The following GRID1 variants were observed in gnomAD, a reference collection of about 807,000 sequenced individuals.
GRID1 encodes the protein glutamate receptor ionotropic, delta-1.
Under a neutral mutation model 98.0 loss-of-function variants are expected in GRID1, and 28 were observed. The ratio of observed to expected loss-of-function variants is 0.29; its 90% CI spans 0.21 to 0.39. The LOEUF (loss-of-function observed/expected upper bound fraction) is 0.39. Ranked by LOEUF, GRID1 falls within the 10% of genes least tolerant of loss-of-function variation. GRID1 has a pLI of 1.00. For synonymous variants in GRID1, 553 were observed against 538.5 expected, an observed-to-expected ratio of 1.03 and a Z score of -0.37; for missense variants, 1,111 against 1,340.5, an observed-to-expected ratio of 0.83 and a Z score of 2.67.
At chr10:85,828,939 T>C (rs1842843810) in intron 8 of GRID1, among the ~76,000 whole-genome samples, 1 of 152,170 alleles carries the variant, frequency 6.6e-6, no homozygotes. Flanking sequence ...GAGGAGGGAC[T>C]CTTTCCTAAC....
At chr10:85,956,137 C>T (rs551045180) in intron 4 of GRID1, among the ~76,000 whole-genome samples, 2 of 152,342 alleles carry the variant, frequency 1.3e-5, no homozygotes, top group African/African-American at 2.4e-5. Flanking sequence ...ACTCATTATA[C>T]TCATATCTTG....
chr10:85,892,041 G>A (rs1028333404), intron 5 of GRID1, among the ~76,000 whole-genome samples: 1 of 151,644 alleles, frequency 6.6e-6, no homozygotes, highest in African/African-American at 2.4e-5. Flanking sequence ...ATGCATGATA[G>A]GGAGAAAAAT....
Position 85,724,625 on chromosome 10 carries a change from C to A in GRID1, c.1585G>T (p.Val529Phe), listed in dbSNP as rs2306265. ...AITITPERES[V>F]VDFSKRYMDY... is the part of the protein sequence containing the mutation. Reference sequence around the variant, plus strand: ...ATGTACCGCTTGCTGAAGTCCACAACGCTCTCCCTCTCTGGGGTGATGGTG... The same window carrying A: ...ATGTACCGCTTGCTGAAGTCCACAAAGCTCTCCCTCTCTGGGGTGATGGTG... The change falls in exon 11 of 16, where the codon GTT becomes TTT. Residue 529 changes from valine to phenylalanine, a missense_variant. Physicochemically the swap from Val to Phe is conservative, Grantham distance 50 (BLOSUM62 -1). Around this residue, in one of 3 missense-constraint regions of GRID1, gnomAD observed 762 missense variants for 869.1 expected, o/e 0.88. Transcript: ENST00000327946. 6.2e-7 allele frequency: 1 copy of A among 1,613,300 alleles called. No homozygotes were observed. Among genetic ancestry groups the A allele is most frequent in the Non-Finnish European group, 8.5e-7 (1 of 1,179,928 alleles).
intron 2 of GRID1, among the ~76,000 whole-genome samples, chr10:86,241,731 G>C (rs1210992366): frequency 6.6e-6 from 1 of 152,164 alleles, no homozygotes; most frequent in Non-Finnish European, 1.5e-5. Flanking sequence ...GAGTGATCTA[G>C]TGCAAGTTCC....
At chr10:86,225,779 A>G (rs747429684) in intron 2 of GRID1, among the ~76,000 whole-genome samples, 1 of 152,214 alleles carries the variant, frequency 6.6e-6, no homozygotes, top group Non-Finnish European at 1.5e-5. Context: ...TGGCTCCTAC[A>G]TGAGGTAGCT....
chr10:86,053,121 G>T (rs949346109), intron 4 of GRID1, among the ~76,000 whole-genome samples: 3 of 152,120 alleles, frequency 2.0e-5, no homozygotes, highest in African/African-American at 7.2e-5. Context: ...CGCTGCAAAG[G>T]TATACACTAA....
At chr10:86,162,367 C>G (rs993256661) in intron 3 of GRID1, among the ~76,000 whole-genome samples, 8 of 152,102 alleles carry the variant, frequency 5.3e-5, no homozygotes, top group Non-Finnish European at 8.8e-5. Context: ...ATGCAGGGAA[C>G]AGGAAGAAGA....
intron 2 of GRID1, among the ~76,000 whole-genome samples, chr10:86,340,047 G>A (rs992282324): frequency 2.0e-5 from 3 of 152,174 alleles, no homozygotes; most frequent in African/African-American, 4.8e-5. Context: ...CACAGAGGCG[G>A]AGACAGCAGG....
At chr10:85,853,397 A>G (rs1194753703) in intron 8 of GRID1, among the ~76,000 whole-genome samples, 1 of 152,210 alleles carries the variant, frequency 6.6e-6, no homozygotes, top group Admixed American at 6.5e-5. Flanking sequence ...TTCATGCTCC[A>G]GGCACCATCA....
intron 7 of GRID1, 109 bp from the exon 8 acceptor site, chr10:85,854,724 T>C (rs1843092658): frequency 9.3e-7 from 1 of 1,079,884 alleles, no homozygotes; most frequent in Non-Finnish European, 1.4e-6. Flanking sequence ...GCAATCAGTT[T>C]TGAGACCATG....
intron 13 of GRID1, among the ~76,000 whole-genome samples, chr10:85,640,760 A>G (rs977697413): frequency 6.6e-6 from 1 of 152,250 alleles, no homozygotes; most frequent in African/African-American, 2.4e-5. Flanking sequence ...AAGGAAGAGA[A>G]AGCGAATAAA....
At chr10:86,325,887 C>T (rs1267690730) in intron 2 of GRID1, among the ~76,000 whole-genome samples, 1 of 152,146 alleles carries the variant, frequency 6.6e-6, no homozygotes, top group Non-Finnish European at 1.5e-5. Context: ...TCCCAGACAA[C>T]GTGACAGCAC....
chr10:85,934,524 G>A (rs1841901356), intron 4 of GRID1, among the ~76,000 whole-genome samples: 1 of 151,808 alleles, frequency 6.6e-6, no homozygotes, highest in African/African-American at 2.4e-5. Flanking sequence ...GCCAGAGTCT[G>A]GGCTATATTC....
At chr10:86,191,095 A>G (rs1485007130) in intron 3 of GRID1, among the ~76,000 whole-genome samples, 1 of 152,144 alleles carries the variant, frequency 6.6e-6, no homozygotes, top group East Asian at 1.9e-4. Context: ...GGCCTGTTAC[A>G]TGCATTTGAT....
At chr10:86,052,106 G>A in intron 4 of GRID1, among the ~76,000 whole-genome samples, 1 of 152,114 alleles carries the variant, frequency 6.6e-6, no homozygotes. Flanking sequence ...CTGTGCACCT[G>A]AGAAAAATAG....
intron 4 of GRID1, among the ~76,000 whole-genome samples, chr10:86,076,592 G>C (rs138966004): frequency 6.6e-6 from 1 of 152,294 alleles, no homozygotes; most frequent in East Asian, 1.9e-4. Context: ...TGTCAGACCG[G>C]AGACCCATAG....
In GRID1 at chr10:86,192,859, C is replaced by T. The variant is rs149755272; in HGVS notation, c.520+13505G>A. 2.0e-5 allele frequency among the ~76,000 whole-genome samples: 3 copies of T among 152,082 alleles called. No individual in the cohort carries two copies. Among genetic ancestry groups the T allele is most frequent in the African/African-American group, 7.2e-5 (3 of 41,532 alleles). ...TCTCCAGCAACAAAATCCTTAAAGG[C>T]CCCACAGTGAGGATGCAGCCTCCCA... On this transcript the variant is annotated intron_variant, in intron 3 of 15. Coordinates refer to ENST00000327946, the MANE Select transcript of GRID1 (RefSeq NM_017551.3). This position sits in a 1 kb window ranked among gnomAD's most constrained non-coding sequence, Gnocchi z 4.8.
intron 8 of GRID1, among the ~76,000 whole-genome samples, chr10:85,823,447 A>T (rs1842791439): frequency 2.0e-5 from 3 of 152,120 alleles, no homozygotes; most frequent in Admixed American, 2.0e-4. Context: ...ATAAACAGAA[A>T]ATTAAAAATG....
At chr10:86,240,888 G>A (rs948945935) in intron 2 of GRID1, among the ~76,000 whole-genome samples, 1 of 152,220 alleles carries the variant, frequency 6.6e-6, no homozygotes, top group Admixed American at 6.5e-5. Flanking sequence ...GCCAAGCACA[G>A]AGCAGCAGGA....
Sources: allele counts gnomAD v4.1 joint callset (sites outside exome capture counted in the v4.1 genomes callset), GRCh38; gene constraint gnomAD v4.1.1; regional missense constraint gnomAD v4.1.1; non-coding constraint Gnocchi (gnomAD v3.1); transcripts MANE v1.5; gene names NCBI Gene and HGNC (gene_info 2026-07-23, HGNC 2026-07-21).